The following RHOJ variants were observed in gnomAD, a reference collection of about 807,000 sequenced individuals.
RHOJ encodes ras homolog family member J.
A neutral mutation model predicts 23.4 loss-of-function variants in RHOJ; 11 were observed. The ratio of observed to expected loss-of-function variants is 0.47; its 90% CI spans 0.30 to 0.78. The LOEUF (loss-of-function observed/expected upper bound fraction) is 0.78, where lower values mean the gene tolerates loss of function less well. RHOJ is among the 30% of genes least tolerant of loss of function. The pLI is 0.08. For synonymous variants in RHOJ, 102 were observed against 102.7 expected (o/e 0.99, Z 0.04); for missense variants, 254 against 273.4 (o/e 0.93, Z 0.50).
intron 1 of RHOJ, among the ~76,000 whole-genome samples, chr14:63,228,380 A>T (rs1028453062): frequency 6.6e-6 from 1 of 152,204 alleles, no homozygotes; most frequent in Non-Finnish European, 1.5e-5. Flanking sequence ...ACATGTGCAG[A>T]ATGACTTACA....
intron 1 of RHOJ, among the ~76,000 whole-genome samples, chr14:63,263,672 C>T (rs917389330): frequency 6.6e-6 from 1 of 152,206 alleles, no homozygotes; most frequent in South Asian, 2.1e-4. Context: ...GGCTTCCACA[C>T]CCATAATGGC....
intron 1 of RHOJ, among the ~76,000 whole-genome samples, chr14:63,208,981 A>C (rs1894173787): frequency 3.3e-5 from 5 of 152,122 alleles, no homozygotes; most frequent in Admixed American, 2.6e-4. Flanking sequence ...CGGTTTCTGA[A>C]AACAAAAACT....
intron 2 of RHOJ, among the ~76,000 whole-genome samples, chr14:63,274,278 A>G (rs906991758): frequency 3.3e-5 from 5 of 152,146 alleles, no homozygotes; most frequent in African/African-American, 1.2e-4. Context: ...TTTTCCCTCA[A>G]TGAGCAACTC....
At chr14:63,240,475 T>C (rs1035870350) in intron 1 of RHOJ, among the ~76,000 whole-genome samples, 1 of 152,188 alleles carries the variant, frequency 6.6e-6, no homozygotes, top group African/African-American at 2.4e-5. Context: ...GCTGGTTGAT[T>C]GATCTCAGAG....
chr14:63,293,063 T>C lies in RHOJ; in HGVS notation c.*2039T>C, dbSNP rs1468511038. 6.6e-6 allele frequency: 1 copy of C among 152,230 alleles called. No homozygotes were observed. The highest frequency in any genetic ancestry group is 1.9e-4 in the East Asian group (1 of 5,206). The allele number at this position is 152,230 out of a possible 1,614,324, so 9.4% of individuals were successfully genotyped here. ...CCAGTGACTGGAAAAACGGGAGTTT[T>C]CAGTCAAAGCTTGACATTTAGAGAA... On this transcript the variant is annotated 3_prime_UTR_variant, in exon 5 of 5. Transcript: ENST00000316754.
At chr14:63,249,437 G>T (rs1895030714) in intron 1 of RHOJ, among the ~76,000 whole-genome samples, 2 of 152,186 alleles carry the variant, frequency 1.3e-5, no homozygotes, top group Admixed American at 1.3e-4. Context: ...TGTCCAATTA[G>T]TCTACGCCTT....
At chr14:63,214,792 C>A (rs1894317984) in intron 1 of RHOJ, among the ~76,000 whole-genome samples, 1 of 152,042 alleles carries the variant, frequency 6.6e-6, no homozygotes. Context: ...CCATGGGTAG[C>A]CAAGTACCAG....
At chr14:63,243,048 C>A (rs892243070) in intron 1 of RHOJ, among the ~76,000 whole-genome samples, 10 of 152,140 alleles carry the variant, frequency 6.6e-5, no homozygotes, top group African/African-American at 2.2e-4. Context: ...GGAAAGTGGA[C>A]AAGCGGTACT....
chr14:63,283,694 GA>G (rs1331192048), intron 4 of RHOJ, among the ~76,000 whole-genome samples: 1 of 152,158 alleles, frequency 6.6e-6, no homozygotes, highest in Non-Finnish European at 1.5e-5. Flanking sequence ...GCCACTTAGA[GA>G]GCCTGGATTG....
In RHOJ at chr14:63,229,328, G is replaced by C. The variant is rs896244789; in HGVS notation, c.178+24281G>C. Among the ~76,000 whole-genome samples the C allele has an allele frequency of 1.1e-4, 16 of 152,302 alleles. No homozygotes were observed. The East Asian group carries it at 3.1e-3, about 29-fold the overall frequency. ...TATGGCAAACTACCACAATCTTAGTGACTTGAAACAATGCTCATTTATTAG... is the reference window on the plus strand; with the variant it reads ...TATGGCAAACTACCACAATCTTAGTCACTTGAAACAATGCTCATTTATTAG... On this transcript the variant is annotated intron_variant, in intron 1 of 4. Coordinates refer to ENST00000316754, the MANE Select transcript of RHOJ (RefSeq NM_020663.5).
intron 1 of RHOJ, among the ~76,000 whole-genome samples, chr14:63,247,909 G>T (rs1895004519): frequency 6.6e-6 from 1 of 152,300 alleles, no homozygotes; most frequent in East Asian, 1.9e-4. Flanking sequence ...TTACATGGCA[G>T]CAGGCAAGAC....
intron 1 of RHOJ, among the ~76,000 whole-genome samples, chr14:63,206,610 A>T (rs1303448109): frequency 6.6e-6 from 1 of 152,214 alleles, no homozygotes; most frequent in Non-Finnish European, 1.5e-5. Flanking sequence ...AAACTTATGT[A>T]TCCAAATCCC....
At chr14:63,271,587 AT>A (rs1895470585) in intron 2 of RHOJ, among the ~76,000 whole-genome samples, 1 of 151,938 alleles carries the variant, frequency 6.6e-6, no homozygotes. Context: ...CATTTCTTTT[AT>A]TTTATTTTAT....
At chr14:63,212,958 C>T (rs1401472973) in intron 1 of RHOJ, among the ~76,000 whole-genome samples, 1 of 152,186 alleles carries the variant, frequency 6.6e-6, no homozygotes, top group Non-Finnish European at 1.5e-5. Context: ...CACAGATCAT[C>T]TTTCCAACCT....
At chr14:63,251,289 T>A (rs1895066659) in intron 1 of RHOJ, among the ~76,000 whole-genome samples, 1 of 152,120 alleles carries the variant, frequency 6.6e-6, no homozygotes, top group South Asian at 2.1e-4. Flanking sequence ...TTATTAAGTG[T>A]AAAGAAAAGA....
At chr14:63,230,679 G>T (rs1894674269) in intron 1 of RHOJ, among the ~76,000 whole-genome samples, 1 of 138,338 alleles carries the variant, frequency 7.2e-6, no homozygotes, top group Admixed American at 7.1e-5. Context: ...CTAATACATT[G>T]CACACACATA....
chr14:63,257,236 CAAAAAA>C (rs11463617), intron 1 of RHOJ, among the ~76,000 whole-genome samples: 2 of 49,106 alleles, frequency 4.1e-5, no homozygotes, highest in African/African-American at 1.7e-4. Flanking sequence ...AGACTGTCTC[CAAAAAA>C]AAAAAAAAAA....
intron 1 of RHOJ, among the ~76,000 whole-genome samples, chr14:63,243,631 C>T (rs577945482): frequency 3.2e-4 from 49 of 152,246 alleles, no homozygotes; most frequent in African/African-American, 1.1e-3. Context: ...TAAGCCACCA[C>T]GCCCGGCCAA....
chr14:63,281,039 C>T lies in RHOJ; in HGVS notation c.306C>T (p.Val102=), dbSNP rs754920828. The change falls in exon 3 of 5, where the codon GTC becomes GTT. Residue 102 remains valine, a synonymous_variant. Coordinates refer to ENST00000316754, the MANE Select transcript of RHOJ (RefSeq NM_020663.5). ...NTDVFLICFS[V]VNPASYHNVQ... ...ATGTGTTTTTGATCTGCTTCTCTGT[C>T]GTAAACCCTGCCTCTTACCACAATG... 5 of 1,614,016 alleles carry T rather than the reference C, an allele frequency of 3.1e-6. No homozygotes were observed. The highest frequency in any genetic ancestry group is 4.2e-6 in the Non-Finnish European group (5 of 1,180,008).
Sources: gnomAD v4.1 joint callset for allele counts (sites outside exome capture counted in the v4.1 genomes callset) on GRCh38, gnomAD v4.1.1 for gene constraint, MANE v1.5 for transcripts, NCBI Gene and HGNC (gene_info 2026-07-23, HGNC 2026-07-21) for gene names.